DYTN: variants seen among roughly 807,000 people sequenced by gnomAD.
DYTN encodes the protein dystrotelin.
DYTN carries 75 observed loss-of-function variants against 69.6 expected under a neutral mutation model. The observed-to-expected ratio is 1.08, with a 90% CI of 0.89 to 1.31. The LOEUF is 1.31. Among genes scored for constraint, DYTN ranks in the 50% most tolerant of loss-of-function variants. The pLI, the probability that DYTN is intolerant of heterozygous loss-of-function variation, is 0.00. For synonymous variants in DYTN, 252 were observed against 249.1 expected (o/e 1.01, Z -0.11); for missense variants, 726 against 688.4 (o/e 1.05, Z -0.61).
At chr2:206,654,161 T>C (rs973459341) in intron 11 of DYTN, among the ~76,000 whole-genome samples, 5 of 152,228 alleles carry the variant, frequency 3.3e-5, no homozygotes, top group Non-Finnish European at 7.3e-5. Context: ...TCTTTTCCCA[T>C]TAATTACTTC....
At chr2:206,681,087 A>T (rs1015512035) in intron 9 of DYTN, among the ~76,000 whole-genome samples, 1 of 152,154 alleles carries the variant, frequency 6.6e-6, no homozygotes, top group Non-Finnish European at 1.5e-5. Context: ...GAGGTCCTTC[A>T]CATCCCTTGT....
intron 11 of DYTN, among the ~76,000 whole-genome samples, chr2:206,654,993 A>G (rs1192653212): frequency 6.6e-6 from 1 of 152,178 alleles, no homozygotes; most frequent in East Asian, 1.9e-4. Flanking sequence ...TACTCTGGCT[A>G]GGACTTCCAG....
In DYTN at chr2:206,690,441, AGAG is replaced by A. The variant is rs1402488999; in HGVS notation, c.980+2731_980+2733del. Among the ~76,000 whole-genome samples the A allele has an allele frequency of 6.6e-5, 10 of 152,356 alleles. No individual in the cohort carries two copies. In the East Asian group the frequency reaches 1.9e-3, roughly 29 times the overall value. ...GGGAAGGCCACAAAAAAGTTTGTGCAGAGGAGTGACATGATCTGGCCAAAATCT... is the reference window on the plus strand; with the variant it reads ...GGGAAGGCCACAAAAAAGTTTGTGCAGAGTGACATGATCTGGCCAAAATCT... On this transcript the variant is annotated intron_variant, in intron 9 of 11. Coordinates refer to ENST00000452335, the MANE Select transcript of DYTN (RefSeq NM_001093730.1).
At chr2:206,702,082 A>G (rs1699982709) in intron 5 of DYTN, among the ~76,000 whole-genome samples, 1 of 152,202 alleles carries the variant, frequency 6.6e-6, no homozygotes, top group Admixed American at 6.5e-5. Context: ...CCGACCTTAC[A>G]TATATTTCAA....
chr2:206,665,557 G>A (rs369065356), intron 10 of DYTN, among the ~76,000 whole-genome samples: 8 of 151,668 alleles, frequency 5.3e-5, no homozygotes, highest in African/African-American at 2.4e-5. Context: ...AATTCCCCTC[G>A]GGGTTCTCAA....
chr2:206,705,444 A>G (rs561584629), intron 4 of DYTN, among the ~76,000 whole-genome samples: 1 of 152,350 alleles, frequency 6.6e-6, no homozygotes, highest in East Asian at 1.9e-4. Context: ...ACGGAAACCC[A>G]TTCACATTTC....
chr2:206,681,358 C>A (rs778367487), intron 9 of DYTN, among the ~76,000 whole-genome samples: 3 of 152,076 alleles, frequency 2.0e-5, no homozygotes, highest in African/African-American at 7.2e-5. Flanking sequence ...ATTTGAATAT[C>A]CTTTATTTCT....
At chr2:206,662,021 G>T (rs1273735728) in intron 11 of DYTN, among the ~76,000 whole-genome samples, 1 of 152,190 alleles carries the variant, frequency 6.6e-6, no homozygotes, top group Non-Finnish European at 1.5e-5. Flanking sequence ...TTGTGAAGTA[G>T]GGCAGCAGCA....
chr2:206,657,729 A>C (rs1344331650), intron 11 of DYTN, among the ~76,000 whole-genome samples: 1 of 152,082 alleles, frequency 6.6e-6, no homozygotes, highest in African/African-American at 2.4e-5. Context: ...AACTGTTATA[A>C]TCTTATAAGG....
chr2:206,669,534 C>T (rs1199643333), intron 9 of DYTN, among the ~76,000 whole-genome samples: 1 of 152,050 alleles, frequency 6.6e-6, no homozygotes, highest in Admixed American at 6.6e-5. Flanking sequence ...GTGATAAATA[C>T]TTTAGCAGTA....
rs769773426 is a variant in DYTN at position 206,707,379 on chromosome 2, G to A, written c.219C>T (p.Ala73=). The change falls in exon 3 of 12, where the codon GCC becomes GCT. Residue 73 remains alanine (A), a synonymous_variant. Coordinates refer to ENST00000452335, the MANE Select transcript of DYTN (RefSeq NM_001093730.1). ...GCACTTGTCCTGGGTTTTCCTCCCTGGCCTTCTGAAACAGCTCTTGGAGTG... is the reference window on the plus strand; with the variant it reads ...GCACTTGTCCTGGGTTTTCCTCCCTAGCCTTCTGAAACAGCTCTTGGAGTG... ...SQALQELFQK[A]REENPGQVHP... The A allele has an allele frequency of 1.9e-6, 3 of 1,613,036 alleles. No homozygotes were observed. Among genetic ancestry groups the A allele is most frequent in the Non-Finnish European group, 2.5e-6 (3 of 1,179,620 alleles).
intron 1 of DYTN, among the ~76,000 whole-genome samples, chr2:206,712,586 A>G (rs1371584193): frequency 6.6e-6 from 1 of 152,198 alleles, no homozygotes; most frequent in Non-Finnish European, 1.5e-5. Flanking sequence ...GCCAGGAGAG[A>G]CAGAGTGGGG....
intron 5 of DYTN, among the ~76,000 whole-genome samples, chr2:206,702,645 C>T (rs1699986758): frequency 6.6e-6 from 1 of 152,106 alleles, no homozygotes; most frequent in African/African-American, 2.4e-5. Flanking sequence ...GTTGTTGATC[C>T]AACATTCACC....
chr2:206,689,064 T>C (rs1699838913), intron 9 of DYTN, among the ~76,000 whole-genome samples: 2 of 152,240 alleles, frequency 1.3e-5, no homozygotes, highest in African/African-American at 4.8e-5. Context: ...TGTCTGTTAT[T>C]TTTCTGCAGT....
intron 10 of DYTN, among the ~76,000 whole-genome samples, 166 bp from the exon 11 acceptor site, chr2:206,663,561 A>G (rs907358709): frequency 1.3e-5 from 2 of 152,308 alleles, no homozygotes; most frequent in African/African-American, 4.8e-5. Context: ...TGCTAATTCT[A>G]TGTCAACCTA....
At chr2:206,710,931 T>G (rs1291136067) in intron 1 of DYTN, among the ~76,000 whole-genome samples, 1 of 152,214 alleles carries the variant, frequency 6.6e-6, no homozygotes, top group Non-Finnish European at 1.5e-5. Context: ...TGCAAATATA[T>G]TCTAGTTATA....
At chr2:206,653,007 A>C (rs1002977475) in intron 11 of DYTN, among the ~76,000 whole-genome samples, 2 of 152,220 alleles carry the variant, frequency 1.3e-5, no homozygotes, top group African/African-American at 4.8e-5. Context: ...TTTACTTTAT[A>C]GCTACATAAT....
At chr2:206,659,487 A>AGG (rs35775149) in intron 11 of DYTN, among the ~76,000 whole-genome samples, 1 of 92,722 alleles carries the variant, frequency 1.1e-5, no homozygotes, top group Non-Finnish European at 2.2e-5. Flanking sequence ...CAATTCTCAA[A>AGG]AAAAAAAAAA....
chr2:206,706,755 C>A (rs1025388927), intron 3 of DYTN, among the ~76,000 whole-genome samples: 3 of 152,014 alleles, frequency 2.0e-5, no homozygotes, highest in African/African-American at 7.2e-5. Context: ...GGAATTGAAA[C>A]CTTACAGCTC....
Sources: allele counts gnomAD v4.1 joint callset (sites outside exome capture counted in the v4.1 genomes callset), GRCh38; gene constraint gnomAD v4.1.1; transcripts MANE v1.5; gene names NCBI Gene and HGNC (gene_info 2026-07-23, HGNC 2026-07-21).